Variants in KTN1 observed in about 807,000 individuals in gnomAD.
KTN1 encodes the protein kinectin 1, also known as kinectin.
KTN1 carries 130 observed loss-of-function variants against 222.5 expected under a neutral mutation model. The ratio of observed to expected loss-of-function variants is 0.58; its 90% CI spans 0.51 to 0.68. KTN1 has a LOEUF of 0.68. KTN1 is among the 30% of genes least tolerant of loss of function. The pLI, the probability that KTN1 is intolerant of heterozygous loss-of-function variation, is 0.00. For synonymous variants in KTN1, 512 were observed against 496.3 expected (o/e 1.03, Z -0.42); for missense variants, 1,508 against 1,500.4 (o/e 1.01, Z -0.08).
At chr14:55,671,531 A>T in intron 35 of KTN1, 35 bp from the exon 36 acceptor site, 1 of 1,497,678 alleles carries the variant, frequency 6.7e-7, no homozygotes, top group Non-Finnish European at 9.2e-7. Context: ...TTTCTGGTAG[A>T]ATTATGGAGT....
chr14:55,612,471 A>G lies in KTN1; in HGVS notation c.423A>G (p.Lys141=), dbSNP rs766195628. The part of the protein sequence containing the change: ...KESDASKIPG[K]KVEPVPVTKQ... ...GTGACGCATCAAAGATTCCTGGCAAAAAAGTAGAACCTGTCCCAGTTACTA... is the reference window on the plus strand; with the variant it reads ...GTGACGCATCAAAGATTCCTGGCAAGAAAGTAGAACCTGTCCCAGTTACTA... Residue 141 remains lysine (K), a synonymous_variant, in exon 2 of 44, where the codon AAA becomes AAG. Coordinates refer to ENST00000395314, the MANE Select transcript of KTN1 (RefSeq NM_001079521.2). 1.5e-5 allele frequency: 25 copies of G among 1,614,064 alleles called. No homozygotes were observed. Among genetic ancestry groups the G allele is most frequent in the Non-Finnish European group, 2.0e-5 (24 of 1,180,032 alleles).
At chr14:55,607,915 A>G (rs2140541772) in intron 1 of KTN1, among the ~76,000 whole-genome samples, 1 of 152,292 alleles carries the variant, frequency 6.6e-6, no homozygotes, top group Non-Finnish European at 1.5e-5. Flanking sequence ...GTGTAAAAAT[A>G]CTACACATTT....
intron 5 of KTN1, among the ~76,000 whole-genome samples, chr14:55,621,699 A>G (rs909661904): frequency 6.6e-6 from 1 of 152,190 alleles, no homozygotes; most frequent in African/African-American, 2.4e-5. Context: ...TATAGGAGCT[A>G]CAATTCAAGA....
At chr14:55,604,003 C>G (rs982858422) in intron 1 of KTN1, among the ~76,000 whole-genome samples, 2 of 152,194 alleles carry the variant, frequency 1.3e-5, no homozygotes, top group African/African-American at 2.4e-5. Context: ...TAAATTATTT[C>G]AGTTGTCACC....
chr14:55,669,079 G>T (rs2045193858), intron 34 of KTN1, among the ~76,000 whole-genome samples: 1 of 151,470 alleles, frequency 6.6e-6, no homozygotes, highest in Non-Finnish European at 1.5e-5. Flanking sequence ...TTTTTTCTTT[G>T]TGGCATAACC....
chr14:55,631,667 A>G (rs556119921), intron 7 of KTN1, among the ~76,000 whole-genome samples: 29 of 152,008 alleles, frequency 1.9e-4, no homozygotes, highest in African/African-American at 6.3e-4. Flanking sequence ...CATGGTCCCA[A>G]TTACTCAGGA....
chr14:55,627,913 C>A lies in KTN1; in HGVS notation c.965C>A (p.Ser322Ter). 6.3e-7 allele frequency: 1 copy of A among 1,582,124 alleles called. No individual in the cohort carries two copies. Among genetic ancestry groups the A allele is most frequent in the South Asian group, 1.1e-5 (1 of 89,632 alleles). Residue 322 changes from serine (S) to a stop codon, truncating the protein, a stop_gained and splice_region_variant, in exon 6 of 44, where the codon TCA becomes TAA. Coordinates refer to ENST00000395314, the MANE Select transcript of KTN1 (RefSeq NM_001079521.2). LOFTEE classifies it high-confidence loss of function. ...SGVIQDALKK[S>*]SKGELTTLIH... ...TCTGCATTGCTTTCTCAATTGCAGT[C>A]AAGTAAGGGAGAATTGACTACGCTT...
At position 55,679,589 on chromosome 14, in the gene KTN1, T is replaced by A; in HGVS notation, c.3973T>A (p.Ser1325Thr). ...ETESSEKETM[S>T]VSLNQTVTQL... ...GGAGTCTTCTGAGAAGGAGACAATGTCTGTAAGTCTAAATCAGACTGTAAC... is the reference window on the plus strand; with the variant it reads ...GGAGTCTTCTGAGAAGGAGACAATGACTGTAAGTCTAAATCAGACTGTAAC... The change falls in exon 43 of 44, where the codon TCT becomes ACT. Residue 1325 changes from serine (S) to threonine (T), a missense_variant. Transcript: ENST00000395314. 6.2e-7 allele frequency: 1 copy of A among 1,611,386 alleles called. No homozygotes were observed. The highest frequency in any genetic ancestry group is 8.5e-7 in the Non-Finnish European group (1 of 1,177,746).
Position 55,653,488 on chromosome 14 carries a change from T to C in KTN1, c.2764-71T>C. On this transcript the variant is annotated intron_variant, in intron 27 of 43. Transcript: ENST00000395314. ...TTGTTTTTATTGGTGGGTGATTCCA[T>C]ATATATGTTTTAGCACCTACAACAT... 4.4e-6 allele frequency: 5 copies of C among 1,132,392 alleles called. No homozygotes were observed. The East Asian group carries it at 9.5e-5, about 22-fold the overall frequency. The allele number at this position is 1,132,392 out of a possible 1,614,324, so 70.1% of individuals were successfully genotyped here.
In KTN1 at chr14:55,639,975, G is replaced by A. The variant is rs375858500; in HGVS notation, c.1886G>A (p.Arg629His). 1.6e-5 allele frequency: 25 copies of A among 1,605,078 alleles called. No individual in the cohort carries two copies. Among genetic ancestry groups the A allele is most frequent in the Non-Finnish European group, 1.9e-5 (22 of 1,172,656 alleles). ...GATTCTTTAGCAAGTGAACGTGATC[G>A]TTTAACAAGTAAAGAAGAGGAACTT... is the stretch of plus-strand genomic sequence containing the variant. ...TEDSLASERD[R>H]LTSKEEELKD... Residue 629 changes from arginine (R) to histidine (H), a missense_variant, in exon 14 of 44, where the codon CGT becomes CAT. Physicochemically the swap from Arg to His is conservative, Grantham distance 29. Coordinates refer to ENST00000395314, the MANE Select transcript of KTN1 (RefSeq NM_001079521.2).
intron 4 of KTN1, among the ~76,000 whole-genome samples, chr14:55,618,467 A>G (rs1332922075): frequency 6.6e-6 from 1 of 152,108 alleles, no homozygotes; most frequent in Non-Finnish European, 1.5e-5. Flanking sequence ...GTTCACAGCA[A>G]AATTCATTGG....
chr14:55,613,647 T>C (rs1029100505), intron 2 of KTN1, among the ~76,000 whole-genome samples: 3 of 131,228 alleles, frequency 2.3e-5, no homozygotes, highest in Admixed American at 7.7e-5. Flanking sequence ...GCGTGTATTT[T>C]TAGTAGAGAT....
At chr14:55,652,502 G>C (rs1421806802) in intron 25 of KTN1, among the ~76,000 whole-genome samples, 3 of 149,866 alleles carry the variant, frequency 2.0e-5, no homozygotes, top group Non-Finnish European at 4.4e-5. Flanking sequence ...GGGTTCAAGT[G>C]ATTGTCTTGC....
intron 31 of KTN1, 191 bp from the exon 32 acceptor site, chr14:55,661,326 CTTATA>C: frequency 2.2e-6 from 1 of 460,952 alleles, no homozygotes; most frequent in Non-Finnish European, 3.8e-6. Flanking sequence ...GGCATAAAAA[CTTATA>C]TTAGAAATCA....
chr14:55,583,849 C>G (rs1278716623), intron 1 of KTN1, among the ~76,000 whole-genome samples: 2 of 152,142 alleles, frequency 1.3e-5, no homozygotes, highest in African/African-American at 2.4e-5. Context: ...TTTGATGTTT[C>G]CATCAAACAT....
Position 55,653,570 on chromosome 14 carries a change from A to G in KTN1, c.2775A>G (p.Ala925=). The G allele has an allele frequency of 6.2e-7, 1 of 1,610,936 alleles. No homozygotes were observed. Among genetic ancestry groups the G allele is most frequent in the Non-Finnish European group, 8.5e-7 (1 of 1,177,664 alleles). The change falls in exon 28 of 44, where the codon GCA becomes GCG. Residue 925 remains alanine (A), a synonymous_variant. Coordinates refer to ENST00000395314, the MANE Select transcript of KTN1 (RefSeq NM_001079521.2). ...ATTCTGTTTCTCAGGCCTCTTCTGC[A>G]TCACAGTTTGAAGAACTTGAGATTG... ...AQHNLKEASS[A]SQFEELEIVL...
At chr14:55,669,341 C>G (rs903796243) in intron 34 of KTN1, among the ~76,000 whole-genome samples, 9 of 151,954 alleles carry the variant, frequency 5.9e-5, no homozygotes, top group Non-Finnish European at 1.3e-4. Flanking sequence ...TGTTCATATA[C>G]TTGTCAAAAG....
intron 1 of KTN1, among the ~76,000 whole-genome samples, chr14:55,598,452 G>C (rs936372001): frequency 2.8e-5 from 4 of 141,956 alleles, no homozygotes; most frequent in Non-Finnish European, 6.2e-5. Context: ...AAAAAAAAAA[G>C]AATATTGGTT....
intron 2 of KTN1, among the ~76,000 whole-genome samples, chr14:55,614,423 T>C (rs916455280): frequency 6.6e-6 from 1 of 152,118 alleles, no homozygotes; most frequent in Non-Finnish European, 1.5e-5. Context: ...ATAACCTCAC[T>C]ATATAGAGGT....
Sources: gnomAD v4.1 joint callset for allele counts (sites outside exome capture counted in the v4.1 genomes callset) on GRCh38, gnomAD v4.1.1 for gene constraint, MANE v1.5 for transcripts, NCBI Gene and HGNC (gene_info 2026-07-23, HGNC 2026-07-21) for gene names.